The following ASTN1 variants were observed in gnomAD, a reference collection of about 807,000 sequenced individuals.
ASTN1 encodes the protein astrotactin 1.
ASTN1 carries 41 observed loss-of-function variants against 140.7 expected under a neutral mutation model. The ratio of observed to expected loss-of-function variants is 0.29; its 90% CI spans 0.23 to 0.38. The LOEUF (loss-of-function observed/expected upper bound fraction) is 0.38. ASTN1 is among the 10% of genes least tolerant of loss of function. ASTN1 has a pLI of 1.00. For missense variants in ASTN1, 1,479 were observed against 1,678.8 expected, an observed-to-expected ratio of 0.88 and a Z score of 2.08; for synonymous variants, 640 against 652.2, an observed-to-expected ratio of 0.98 and a Z score of 0.29.
intron 2 of ASTN1, among the ~76,000 whole-genome samples, chr1:177,044,463 C>A (rs1283487143): frequency 4.6e-5 from 7 of 152,208 alleles, no homozygotes; most frequent in Non-Finnish European, 1.5e-5. Flanking sequence ...CCCAGCAGAA[C>A]AGCCAAATGC....
intron 8 of ASTN1, among the ~76,000 whole-genome samples, chr1:176,978,374 G>A (rs550816971): frequency 6.6e-6 from 1 of 152,312 alleles, no homozygotes; most frequent in South Asian, 2.1e-4. Context: ...GAAACCCAGA[G>A]GGAGAGGAAC....
intron 8 of ASTN1, among the ~76,000 whole-genome samples, chr1:177,002,511 G>A (rs896972051): frequency 2.6e-5 from 4 of 152,104 alleles, no homozygotes; most frequent in Non-Finnish European, 4.4e-5. Flanking sequence ...GCACTCTCTA[G>A]GGGATGGTAC....
intron 3 of ASTN1, 117 bp downstream of exon 3, chr1:177,032,339 C>T (rs1676482378): frequency 7.3e-7 from 1 of 1,361,130 alleles, no homozygotes; most frequent in Non-Finnish European, 1.0e-6. Context: ...TAGGGAAGGG[C>T]ACTGCCACAT....
intron 16 of ASTN1, among the ~76,000 whole-genome samples, chr1:176,906,339 G>C (rs1669998367): frequency 6.6e-6 from 1 of 152,196 alleles, no homozygotes; most frequent in Admixed American, 6.5e-5. Flanking sequence ...AGAGAGAAAT[G>C]ATGAGAAGAG....
intron 16 of ASTN1, among the ~76,000 whole-genome samples, chr1:176,928,093 A>AT (rs1178269913): frequency 1.3e-5 from 2 of 150,558 alleles, no homozygotes; most frequent in Non-Finnish European, 3.0e-5. Flanking sequence ...AAATATCTAT[A>AT]TTTTGAGAGA....
At chr1:177,080,232 A>AT (rs1167033091) in intron 1 of ASTN1, among the ~76,000 whole-genome samples, 30 of 88,498 alleles carry the variant, frequency 3.4e-4, no homozygotes, top group Non-Finnish European at 4.5e-4. Flanking sequence ...TCATTCCTCC[A>AT]TTTTTTTTTT....
intron 21 of ASTN1, 21 bp from the exon 22 acceptor site, chr1:176,869,048 A>G: frequency 1.3e-6 from 2 of 1,531,056 alleles, no homozygotes; most frequent in Non-Finnish European, 1.8e-6. Context: ...AGGAAAAGGA[A>G]AATAAGTTAT....
At chr1:176,991,633 G>T (rs566756177) in intron 8 of ASTN1, among the ~76,000 whole-genome samples, 1 of 152,172 alleles carries the variant, frequency 6.6e-6, no homozygotes, top group Non-Finnish European at 1.5e-5. Context: ...TGTGAGCCGG[G>T]CTGGATTACT....
intron 1 of ASTN1, among the ~76,000 whole-genome samples, chr1:177,125,518 A>C (rs1681597928): frequency 6.6e-6 from 1 of 152,198 alleles, no homozygotes; most frequent in Non-Finnish European, 1.5e-5. Flanking sequence ...ATGTAGAGGC[A>C]AAAATTCTGA....
At chr1:177,122,179 G>C (rs1681425252) in intron 1 of ASTN1, among the ~76,000 whole-genome samples, 1 of 152,286 alleles carries the variant, frequency 6.6e-6, no homozygotes, top group East Asian at 1.9e-4. Flanking sequence ...GAAGTAGCGA[G>C]GGTAAACTTT....
intron 11 of ASTN1, among the ~76,000 whole-genome samples, chr1:176,956,507 C>T (rs1672412178): frequency 6.6e-6 from 1 of 152,180 alleles, no homozygotes; most frequent in South Asian, 2.1e-4. Flanking sequence ...GGTCCTCTCA[C>T]AAAGCACAGC....
At chr1:177,164,338 G>C in intron 1 of ASTN1, 56 bp downstream of exon 1, 2 of 1,485,590 alleles carry the variant, frequency 1.3e-6, no homozygotes, top group Non-Finnish European at 1.8e-6. Flanking sequence ...GCTGGAGTGG[G>C]GGGTGGGGGC....
chr1:177,115,088 C>T (rs1036874781), intron 1 of ASTN1, among the ~76,000 whole-genome samples: 3 of 152,062 alleles, frequency 2.0e-5, no homozygotes, highest in Admixed American at 6.6e-5. Context: ...GCAACAGTCA[C>T]GACAGCCCTA....
chr1:177,015,701 T>G (rs531421876), intron 7 of ASTN1, among the ~76,000 whole-genome samples: 1 of 152,334 alleles, frequency 6.6e-6, no homozygotes, highest in Admixed American at 6.5e-5. Flanking sequence ...TATATGCATT[T>G]TTTTTGAGGC....
chr1:176,908,132 A>AACACAC lies in ASTN1; in HGVS notation c.2672-13308_2672-13303dup, dbSNP rs10669124. ...CCTTTAATATCTAACTCTCTTATGC[A>AACACAC]ACACACACACACACACACACACACA... On this transcript the variant is annotated intron_variant, in intron 16 of 22. Transcript: ENST00000361833. Among the ~76,000 whole-genome samples, 78 of 149,782 alleles carry AACACAC rather than the reference A, an allele frequency of 5.2e-4. 1 individual carries two copies. The highest frequency in any genetic ancestry group is 1.4e-3 in the African/African-American group (58 of 40,706).
At chr1:176,957,580 C>G in intron 11 of ASTN1, 98 bp downstream of exon 11, 2 of 1,448,758 alleles carry the variant, frequency 1.4e-6, no homozygotes, top group Non-Finnish European at 1.9e-6. Context: ...AACTGGGGAT[C>G]ACAGCACATT....
At chr1:177,086,818 T>C (rs1303299399) in intron 1 of ASTN1, among the ~76,000 whole-genome samples, 1 of 152,186 alleles carries the variant, frequency 6.6e-6, no homozygotes, top group Non-Finnish European at 1.5e-5. Flanking sequence ...TTCTAATTGT[T>C]CCATGTTCAA....
At chr1:177,134,811 G>A (rs1185886165) in intron 1 of ASTN1, among the ~76,000 whole-genome samples, 1 of 152,278 alleles carries the variant, frequency 6.6e-6, no homozygotes, top group South Asian at 2.1e-4. Flanking sequence ...GTGAGAAGAG[G>A]TATAATCATT....
chr1:177,019,025 C>T (rs1214997896), intron 7 of ASTN1, among the ~76,000 whole-genome samples: 3 of 152,196 alleles, frequency 2.0e-5, no homozygotes, highest in Non-Finnish European at 4.4e-5. Flanking sequence ...GGCTCTGCTG[C>T]AGCCACATAG....
Sources: gnomAD v4.1 joint callset for allele counts (sites outside exome capture counted in the v4.1 genomes callset) on GRCh38, gnomAD v4.1.1 for gene constraint, MANE v1.5 for transcripts, NCBI Gene and HGNC (gene_info 2026-07-23, HGNC 2026-07-21) for gene names.